The following APTX variants were observed in gnomAD, a reference collection of about 807,000 sequenced individuals.
The protein encoded by APTX is forkhead-associated domain histidine triad-like protein.
APTX carries 33 observed loss-of-function variants against 42.3 expected under a neutral mutation model. The observed-to-expected ratio is 0.78, with a 90% CI of 0.59 to 1.04. The LOEUF is 1.04. Ranked by LOEUF, APTX falls within the 50% of genes least tolerant of loss-of-function variation. APTX has a pLI of 0.00. For missense variants in APTX, 421 were observed against 415.1 expected, an observed-to-expected ratio of 1.01 and a Z score of -0.12; for synonymous variants, 130 against 146.7, an observed-to-expected ratio of 0.89 and a Z score of 0.82.
intron 6 of APTX, among the ~76,000 whole-genome samples, chr9:32,984,115 A>G (rs1831329949): frequency 6.6e-6 from 1 of 151,514 alleles, no homozygotes; most frequent in Admixed American, 6.6e-5. Flanking sequence ...CCTTGCTTGT[A>G]TTCTTTGAAA....
intron 1 of APTX, among the ~76,000 whole-genome samples, chr9:33,008,819 TG>T (rs1390307043): frequency 6.6e-6 from 1 of 152,238 alleles, no homozygotes; most frequent in Non-Finnish European, 1.5e-5. Context: ...CCCAAAGTGC[TG>T]GGATTACAGA....
intron 1 of APTX, among the ~76,000 whole-genome samples, chr9:32,993,810 A>T (rs1411837667): frequency 6.7e-6 from 1 of 148,688 alleles, no homozygotes; most frequent in Non-Finnish European, 1.5e-5. Context: ...ACTCCACCTC[A>T]TGGGTTCAAG....
At chr9:32,991,457 T>A (rs1833615900) in intron 1 of APTX, among the ~76,000 whole-genome samples, 1 of 152,090 alleles carries the variant, frequency 6.6e-6, no homozygotes, top group Non-Finnish European at 1.5e-5. Flanking sequence ...CATACTTAAT[T>A]ACTGATGACA....
chr9:33,019,927 GA>G, intron 1 of APTX: 3 of 503,112 alleles, frequency 6.0e-6, no homozygotes, highest in South Asian at 3.5e-5. Context: ...AGGGGGTCGG[GA>G]AAGGCACGCT....
intron 1 of APTX, 83 bp from the exon 2 acceptor site, chr9:32,989,978 A>T (rs770249377): frequency 9.2e-6 from 14 of 1,522,990 alleles, no homozygotes; most frequent in Non-Finnish European, 1.2e-5. Flanking sequence ...GCCACCACGC[A>T]TGTGATCTAC....
intron 1 of APTX, among the ~76,000 whole-genome samples, chr9:33,021,316 G>A (rs1838364280): frequency 6.6e-6 from 1 of 152,024 alleles, no homozygotes; most frequent in Admixed American, 6.6e-5. Flanking sequence ...AGGAAGATTC[G>A]ACATTTTAAA....
At chr9:33,016,958 G>A (rs1264983541) in intron 1 of APTX, among the ~76,000 whole-genome samples, 3 of 152,176 alleles carry the variant, frequency 2.0e-5, no homozygotes, top group Admixed American at 1.3e-4. Context: ...CTCTGTACCA[G>A]GCAGTGTTCT....
At chr9:32,995,744 C>A in intron 1 of APTX, among the ~76,000 whole-genome samples, 1 of 152,084 alleles carries the variant, frequency 6.6e-6, no homozygotes. Flanking sequence ...AAAAATTAGC[C>A]GGGCGTGGTG....
At chr9:32,986,781 G>A (rs1418505312) in intron 4 of APTX, among the ~76,000 whole-genome samples, 2 of 151,770 alleles carry the variant, frequency 1.3e-5, no homozygotes, top group Non-Finnish European at 2.9e-5. Flanking sequence ...GATTACAGGC[G>A]TGAGCCAGCA....
chr9:32,991,052 GA>G (rs1453901183), intron 1 of APTX, among the ~76,000 whole-genome samples: 1 of 151,854 alleles, frequency 6.6e-6, no homozygotes. Flanking sequence ...TCAGCCTCCC[GA>G]GTAGCTGGGA....
At chr9:33,021,960 T>TAAA (rs771015871) in intron 1 of APTX, among the ~76,000 whole-genome samples, 2 of 126,422 alleles carry the variant, frequency 1.6e-5, no homozygotes, top group South Asian at 2.5e-4. Flanking sequence ...GCTGTTAATT[T>TAAA]AAAAAAAAAA....
At chr9:32,989,395 C>T (rs753344575) in intron 2 of APTX, among the ~76,000 whole-genome samples, 7 of 152,136 alleles carry the variant, frequency 4.6e-5, no homozygotes, top group Non-Finnish European at 8.8e-5. Flanking sequence ...ATGTAAAGGA[C>T]GGCACTACCC....
At chr9:33,009,818 G>GA (rs34237086) in intron 1 of APTX, among the ~76,000 whole-genome samples, 6 of 151,634 alleles carry the variant, frequency 4.0e-5, no homozygotes, top group Admixed American at 2.0e-4. Flanking sequence ...AAAGAAAAGG[G>GA]AAAAAAAATT....
chr9:32,974,475 T>C lies in APTX; in HGVS notation c.857A>G (p.Tyr286Cys). ...CTGTTTACCTTGTGATTCTAGGAAG[T>C]ATTCTGTATTGAAAGAATTCCAATG... ...KKHWNSFNTE[Y>C]FLESQAVIEM... Residue 286 changes from tyrosine to cysteine, a missense_variant, in exon 7 of 8, where the codon TAC becomes TGC. Physicochemically the swap from Tyr to Cys is radical, Grantham distance 194. Coordinates refer to ENST00000379817, the MANE Select transcript of APTX (RefSeq NM_001195248.2). 2 of 1,589,310 alleles carry C rather than the reference T, an allele frequency of 1.3e-6. No homozygotes were observed. The highest frequency in any genetic ancestry group is 1.7e-6 in the Non-Finnish European group (2 of 1,157,792).
chr9:33,014,398 T>C (rs10971318), intron 1 of APTX, among the ~76,000 whole-genome samples: 10,724 of 152,274 alleles, frequency 0.07, 515 homozygotes, highest in Non-Finnish European at 0.11. Flanking sequence ...TGGTAGGTGG[T>C]AGAAAATGGC....
chr9:32,988,675 T>G, intron 2 of APTX, among the ~76,000 whole-genome samples: 1 of 92,970 alleles, frequency 1.1e-5, no homozygotes, highest in African/African-American at 4.3e-5. Flanking sequence ...AGTGAGACCC[T>G]ATCTCAGGAG....
Position 33,019,736 on chromosome 9 carries a change from G to A in APTX, c.-5+5287C>T. On this transcript the variant is annotated intron_variant, in intron 1 of 6. Transcript: ENST00000436040. ...AACTGGGGGCCCAAAGTGCTGCAGG[G>A]TCCGCACCACCAGAGAAAGATGGTC... is the stretch of plus-strand genomic sequence containing the variant. The A allele has an allele frequency of 7.0e-6, 4 of 570,270 alleles. No homozygotes were observed. The East Asian group carries it at 1.4e-4, about 19-fold the overall frequency. 35.3% of individuals were successfully genotyped at this position (570,270 alleles called of 1,614,324 possible).
chr9:33,014,804 C>G (rs553976137), intron 1 of APTX, among the ~76,000 whole-genome samples: 1 of 152,182 alleles, frequency 6.6e-6, no homozygotes. Context: ...CAGAGGCATC[C>G]CTCTACACTG....
chr9:32,997,817 T>C (rs1259803633), intron 1 of APTX, among the ~76,000 whole-genome samples: 2 of 152,210 alleles, frequency 1.3e-5, no homozygotes, highest in Non-Finnish European at 2.9e-5. Context: ...CAATGAATGT[T>C]TGCTGAATGA....
Sources: allele counts gnomAD v4.1 joint callset (sites outside exome capture counted in the v4.1 genomes callset), GRCh38; gene constraint gnomAD v4.1.1; transcripts MANE v1.5; gene names NCBI Gene and HGNC (gene_info 2026-07-23, HGNC 2026-07-21).